Variants in MGMT observed in about 807,000 individuals in gnomAD.
MGMT encodes O-6-methylguanine-DNA methyltransferase, also known as methylated-DNA--protein-cysteine methyltransferase.
MGMT carries 14 observed loss-of-function variants against 15.9 expected under a neutral mutation model. The observed-to-expected ratio is 0.88, with a 90% CI of 0.58 to 1.37. The LOEUF is 1.37. Among genes scored for constraint, MGMT ranks in the 40% most tolerant of loss-of-function variants. MGMT has a pLI of 0.00. For synonymous variants in MGMT, 130 were observed against 118.2 expected (o/e 1.10, Z -0.65); for missense variants, 282 against 268.1 (o/e 1.05, Z -0.36).
intron 2 of MGMT, among the ~76,000 whole-genome samples, chr10:129,628,738 C>T (rs1847178758): frequency 1.3e-5 from 2 of 152,168 alleles, no homozygotes; most frequent in Non-Finnish European, 1.5e-5. Flanking sequence ...CTGCTGGGAG[C>T]GTTGGCTGGA....
chr10:129,732,249 C>T (rs1848507154), intron 3 of MGMT, among the ~76,000 whole-genome samples: 1 of 152,074 alleles, frequency 6.6e-6, no homozygotes, highest in South Asian at 2.1e-4. Context: ...TGGTGTGCTG[C>T]ACCCATCTAT....
chr10:129,472,548 C>G (rs963453541), intron 1 of MGMT, among the ~76,000 whole-genome samples: 1 of 152,124 alleles, frequency 6.6e-6, no homozygotes, highest in Non-Finnish European at 1.5e-5. Flanking sequence ...GGCATGTGCA[C>G]GGTGGTCAGA....
chr10:129,494,720 T>C (rs1473621799), intron 1 of MGMT, among the ~76,000 whole-genome samples: 1 of 152,246 alleles, frequency 6.6e-6, no homozygotes. Flanking sequence ...CAGCTGCGTA[T>C]GGACACTGCC....
At chr10:129,612,791 C>T (rs117513812) in intron 2 of MGMT, among the ~76,000 whole-genome samples, 1,548 of 152,300 alleles carry the variant, frequency 0.01, 14 homozygotes, top group Non-Finnish European at 0.015. Flanking sequence ...GTCTTCGTTT[C>T]GGCATCTCTG....
chr10:129,553,366 G>T (rs996386975), intron 2 of MGMT, among the ~76,000 whole-genome samples: 3 of 152,240 alleles, frequency 2.0e-5, no homozygotes, highest in Non-Finnish European at 4.4e-5. Context: ...GGCTGCTGAA[G>T]TAGACTTAGG....
chr10:129,672,676 A>G (rs1361296470), intron 2 of MGMT, among the ~76,000 whole-genome samples: 2 of 151,954 alleles, frequency 1.3e-5, no homozygotes, highest in Non-Finnish European at 2.9e-5. Flanking sequence ...TAGTATTTTC[A>G]TTTTTTTAAA....
chr10:129,511,892 G>A (rs1214359882), intron 1 of MGMT, among the ~76,000 whole-genome samples: 1 of 152,236 alleles, frequency 6.6e-6, no homozygotes, highest in Non-Finnish European at 1.5e-5. Context: ...ACTGGCCGCT[G>A]TGGAGGGAAT....
intron 2 of MGMT, among the ~76,000 whole-genome samples, chr10:129,621,506 G>A (rs967927703): frequency 1.3e-5 from 2 of 152,182 alleles, no homozygotes; most frequent in African/African-American, 4.8e-5. Context: ...CCCTTCATCA[G>A]ATCTGTGCTA....
At chr10:129,590,554 G>A (rs1846671664) in intron 2 of MGMT, among the ~76,000 whole-genome samples, 1 of 152,202 alleles carries the variant, frequency 6.6e-6, no homozygotes, top group Admixed American at 6.5e-5. Context: ...ATTGCTGGTC[G>A]AGGCAAGAAA....
At chr10:129,483,610 G>A (rs1372690054) in intron 1 of MGMT, among the ~76,000 whole-genome samples, 1 of 152,094 alleles carries the variant, frequency 6.6e-6, no homozygotes, top group Non-Finnish European at 1.5e-5. Flanking sequence ...AGTTTCTGAT[G>A]ATCAGTTTGC....
At chr10:129,687,871 T>C (rs547471500) in intron 2 of MGMT, among the ~76,000 whole-genome samples, 67 of 139,866 alleles carry the variant, frequency 4.8e-4, no homozygotes, top group East Asian at 1.9e-3. Flanking sequence ...CAACAGGCCC[T>C]GGTGTGTGAT....
intron 2 of MGMT, among the ~76,000 whole-genome samples, chr10:129,578,362 G>T (rs1175921569): frequency 6.6e-6 from 1 of 152,168 alleles, no homozygotes; most frequent in Admixed American, 6.5e-5. Flanking sequence ...CATAAAAAAT[G>T]ATGAGTTCAT....
chr10:129,716,323 C>T (rs532120665), intron 3 of MGMT, among the ~76,000 whole-genome samples: 91 of 152,260 alleles, frequency 6.0e-4, no homozygotes, highest in Non-Finnish European at 9.3e-4. Context: ...ACTATGACAA[C>T]GACTTTTTTT....
At chr10:129,584,160 G>A (rs559291019) in intron 2 of MGMT, among the ~76,000 whole-genome samples, 1 of 152,304 alleles carries the variant, frequency 6.6e-6, no homozygotes, top group South Asian at 2.1e-4. Flanking sequence ...CATGAAAGCC[G>A]CTCTCAACAG....
chr10:129,755,467 C>T (rs1589977604), intron 3 of MGMT, among the ~76,000 whole-genome samples: 1 of 152,354 alleles, frequency 6.6e-6, no homozygotes, highest in African/African-American at 2.4e-5. Flanking sequence ...CAGGTAGCAC[C>T]TGTGTGTATG....
chr10:129,663,905 A>C (rs1847627851), intron 2 of MGMT, among the ~76,000 whole-genome samples: 2 of 152,110 alleles, frequency 1.3e-5, no homozygotes, highest in African/African-American at 4.8e-5. Flanking sequence ...GATTCTAATG[A>C]TACATAAATT....
At chr10:129,727,167 G>A (rs74784296) in intron 3 of MGMT, among the ~76,000 whole-genome samples, 3,093 of 152,264 alleles carry the variant, frequency 0.02, 116 homozygotes, top group African/African-American at 0.07. Context: ...GTTCCTTCTC[G>A]GATGGAGTCA....
chr10:129,641,225 G>A (rs74160249), intron 2 of MGMT, among the ~76,000 whole-genome samples: 1,793 of 152,238 alleles, frequency 0.012, 44 homozygotes, highest in African/African-American at 0.042. Flanking sequence ...ATTTATAATA[G>A]ATGAAAATGT....
intron 2 of MGMT, among the ~76,000 whole-genome samples, chr10:129,543,031 T>TAA (rs1438751300): frequency 6.6e-6 from 1 of 152,156 alleles, no homozygotes; most frequent in Non-Finnish European, 1.5e-5. Flanking sequence ...GGTTGATGGC[T>TAA]AAAAAGACAA....
Sources: allele counts gnomAD v4.1 joint callset (sites outside exome capture counted in the v4.1 genomes callset), GRCh38; gene constraint gnomAD v4.1.1; transcripts MANE v1.5; gene names NCBI Gene and HGNC (gene_info 2026-07-23, HGNC 2026-07-21).